HDAC9: variants seen among roughly 807,000 people sequenced by gnomAD.
The protein encoded by HDAC9 is histone deacetylase 9.
Under a neutral mutation model 139.4 loss-of-function variants are expected in HDAC9, and 41 were observed. The observed-to-expected ratio is 0.29, with a 90% CI of 0.23 to 0.38. HDAC9 has a LOEUF of 0.38. HDAC9 is among the 10% of genes least tolerant of loss of function. The pLI is 1.00. For missense variants in HDAC9, 1,147 were observed against 1,297.0 expected, an observed-to-expected ratio of 0.88 and a Z score of 1.78; for synonymous variants, 517 against 476.2, an observed-to-expected ratio of 1.09 and a Z score of -1.12.
chr7:18,779,729 G>A (rs2129170087), intron 16 of HDAC9, among the ~76,000 whole-genome samples: 2 of 152,076 alleles, frequency 1.3e-5, no homozygotes, highest in East Asian at 3.9e-4. Context: ...AGCTATATGT[G>A]GTAATGAGCA....
chr7:18,648,415 T>TGG, intron 10 of HDAC9, 51 bp from the exon 11 acceptor site: 2 of 1,289,754 alleles, frequency 1.6e-6, no homozygotes, highest in Non-Finnish European at 2.2e-6. Context: ...TGTGTATGTG[T>TGG]GTGTGTGTGT....
intron 2 of HDAC9, among the ~76,000 whole-genome samples, chr7:18,248,774 G>A (rs71524237): frequency 0.012 from 1,783 of 152,266 alleles, 11 homozygotes; most frequent in Non-Finnish European, 0.02. Flanking sequence ...TATCTGCTAT[G>A]TGCCAAGTAT....
At chr7:18,279,155 A>G (rs1796934880) in intron 2 of HDAC9, among the ~76,000 whole-genome samples, 1 of 152,160 alleles carries the variant, frequency 6.6e-6, no homozygotes, top group Non-Finnish European at 1.5e-5. Flanking sequence ...GAAATGTTTG[A>G]CTGTAGCAAA....
At chr7:18,682,628 T>TC (rs1483027683) in intron 12 of HDAC9, among the ~76,000 whole-genome samples, 5 of 152,168 alleles carry the variant, frequency 3.3e-5, no homozygotes, top group African/African-American at 1.2e-4. Context: ...GTCTTTTTTT[T>TC]CACTATTGAT....
chr7:18,471,588 A>G (rs756749058), intron 1 of HDAC9, among the ~76,000 whole-genome samples: 10 of 152,204 alleles, frequency 6.6e-5, no homozygotes, highest in Non-Finnish European at 1.3e-4. Context: ...GTTAGGTGAA[A>G]GCTCAGTATC....
intron 2 of HDAC9, among the ~76,000 whole-genome samples, chr7:18,277,976 A>G (rs531156708): frequency 2.0e-5 from 3 of 152,176 alleles, no homozygotes; most frequent in Non-Finnish European, 2.9e-5. Context: ...TACCATGTCT[A>G]TGTCATTGCA....
chr7:18,961,434 C>A (rs1392223750), intron 24 of HDAC9, among the ~76,000 whole-genome samples: 1 of 151,788 alleles, frequency 6.6e-6, no homozygotes, highest in Admixed American at 6.6e-5. Context: ...TCAGCTCCCA[C>A]GATAGGAAAT....
intron 21 of HDAC9, among the ~76,000 whole-genome samples, chr7:18,849,585 C>G (rs1010839826): frequency 2.0e-5 from 3 of 152,104 alleles, no homozygotes; most frequent in African/African-American, 7.2e-5. Context: ...TTTAAAAACT[C>G]TTACAATTAG....
intron 1 of HDAC9, among the ~76,000 whole-genome samples, chr7:18,312,912 A>C (rs555419810): frequency 1.8e-4 from 27 of 152,268 alleles, no homozygotes; most frequent in African/African-American, 6.5e-4. Context: ...GTATATTTCT[A>C]GAAGGAGAAA....
At chr7:18,895,886 T>G in intron 22 of HDAC9, among the ~76,000 whole-genome samples, 1 of 152,082 alleles carries the variant, frequency 6.6e-6, no homozygotes. Flanking sequence ...TTAATCATGA[T>G]TAACCACTTT....
chr7:18,139,477 A>G (rs1174630944), intron 1 of HDAC9, among the ~76,000 whole-genome samples: 1 of 152,074 alleles, frequency 6.6e-6, no homozygotes, highest in East Asian at 1.9e-4. Flanking sequence ...AGTAATTATG[A>G]TGCTTTACTT....
chr7:18,970,599 G>A (rs2526641), intron 24 of HDAC9, among the ~76,000 whole-genome samples: 2,856 of 152,058 alleles, frequency 0.019, 91 homozygotes, highest in African/African-American at 0.062. Context: ...CAATGTTTTG[G>A]ATCATGCCAA....
chr7:18,127,396 C>T (rs1053792954), intron 1 of HDAC9: 16 of 169,918 alleles, frequency 9.4e-5, no homozygotes, highest in African/African-American at 3.9e-4. Flanking sequence ...CCTTCCTTCT[C>T]TCTCCTTCTC....
At position 18,251,547 on chromosome 7, in the gene HDAC9, A is replaced by T. The variant is rs562654807; in HGVS notation, c.25+89198A>T. Among the ~76,000 whole-genome samples the T allele has an allele frequency of 6.3e-4, 96 of 152,298 alleles. 1 individual carries two copies. The highest frequency in any genetic ancestry group is 6.0e-3 in the South Asian group (29 of 4,830). On this transcript the variant is annotated intron_variant, in intron 2 of 12. Coordinates refer to the HDAC9 transcript ENST00000417496. ...TATTGAAGGAAAAAAATACAAAAAA[A>T]ATTCTAGGGTGGACTTTGGAGAAGA...
intron 1 of HDAC9, among the ~76,000 whole-genome samples, chr7:18,110,525 A>G (rs1222669279): frequency 1.3e-5 from 2 of 152,262 alleles, no homozygotes; most frequent in African/African-American, 4.8e-5. Context: ...GTAAGTGCAA[A>G]TGGAGTGTAG....
intron 1 of HDAC9, among the ~76,000 whole-genome samples, chr7:18,135,630 A>G (rs1785348625): frequency 7.5e-6 from 1 of 133,588 alleles, no homozygotes; most frequent in African/African-American, 3.1e-5. Flanking sequence ...AAGGACATGA[A>G]CTCATCATTT....
At chr7:18,204,554 G>A (rs1236092934) in intron 2 of HDAC9, among the ~76,000 whole-genome samples, 3 of 151,766 alleles carry the variant, frequency 2.0e-5, no homozygotes, top group Admixed American at 2.0e-4. Flanking sequence ...AACAGTGATC[G>A]TTGTTGCTTT....
At chr7:18,403,943 C>T (rs1787773415) in intron 1 of HDAC9, among the ~76,000 whole-genome samples, 1 of 152,120 alleles carries the variant, frequency 6.6e-6, no homozygotes, top group South Asian at 2.1e-4. Flanking sequence ...CAAGCTCAGA[C>T]CTGAATGAGT....
chr7:18,291,654 A>T (rs1797817071), intron 1 of HDAC9, among the ~76,000 whole-genome samples: 1 of 152,040 alleles, frequency 6.6e-6, no homozygotes, highest in African/African-American at 2.4e-5. Context: ...ATTATTTTAT[A>T]ATGCCAGGCT....
Sources: gnomAD v4.1 joint callset for allele counts (sites outside exome capture counted in the v4.1 genomes callset) on GRCh38, gnomAD v4.1.1 for gene constraint, MANE v1.5 for transcripts, NCBI Gene and HGNC (gene_info 2026-07-23, HGNC 2026-07-21) for gene names.